Variants in NCMAP observed in about 807,000 individuals in gnomAD.
NCMAP encodes the protein noncompact myelin-associated protein.
A neutral mutation model predicts 7.8 loss-of-function variants in NCMAP; 8 were observed. That is an observed-to-expected ratio of 1.02 (90% CI 0.60 to 1.84). The LOEUF (loss-of-function observed/expected upper bound fraction) is 1.84. NCMAP is among the 40% of genes most tolerant of loss of function. The pLI is 0.00. For missense variants in NCMAP, 112 were observed against 131.4 expected (o/e 0.85, Z 0.72); for synonymous variants, 41 against 52.9 (o/e 0.78, Z 0.98).
At chr1:24,580,326 C>G (rs1205210211) in intron 1 of NCMAP, among the ~76,000 whole-genome samples, 1 of 152,218 alleles carries the variant, frequency 6.6e-6, no homozygotes, top group Non-Finnish European at 1.5e-5. Context: ...TTACCTCCTC[C>G]TGGCTGCCTC....
chr1:24,605,796 G>C lies in NCMAP; in HGVS notation c.*49G>C, dbSNP rs1652706000. 1.2e-6 allele frequency: 2 copies of C among 1,600,558 alleles called. No homozygotes were observed. The highest frequency in any genetic ancestry group is 1.7e-6 in the Non-Finnish European group (2 of 1,169,598). ...CCACTGTCCAAAGAGCCTCTCCAGA[G>C]TCAAGACCCAGAGGCACACTCTCTG... On this transcript the variant is annotated 3_prime_UTR_variant, in exon 4 of 4. Transcript: ENST00000374392.
chr1:24,576,046 C>T lies in NCMAP; in HGVS notation c.-7-19378C>T, dbSNP rs1651549915. Among the ~76,000 whole-genome samples the T allele has an allele frequency of 6.6e-6, 1 of 151,992 alleles. No homozygotes were observed. Among genetic ancestry groups the T allele is most frequent in the Non-Finnish European group, 1.5e-5 (1 of 68,006 alleles). ...AGCTCCCTCATCCTGATCCTCTCTG[C>T]ACAGCCGCATTGCCCCGTCCAGAGC... On this transcript the variant is annotated intron_variant, in intron 1 of 3. Coordinates refer to ENST00000374392, the MANE Select transcript of NCMAP (RefSeq NM_001010980.5). The surrounding 1 kb of genome is among the most constrained non-coding windows in gnomAD (Gnocchi z 4.0).
intron 1 of NCMAP, among the ~76,000 whole-genome samples, chr1:24,594,370 A>C (rs1355050196): frequency 1.3e-5 from 2 of 152,064 alleles, no homozygotes; most frequent in South Asian, 2.1e-4. Flanking sequence ...TACATTGTAC[A>C]CTCAGAGAGT....
At chr1:24,574,421 C>T (rs1468867872) in intron 1 of NCMAP, among the ~76,000 whole-genome samples, 6 of 151,962 alleles carry the variant, frequency 3.9e-5, no homozygotes, top group East Asian at 1.9e-4. Flanking sequence ...GCCCGGCCAA[C>T]GGGACTGAGA....
intron 3 of NCMAP, among the ~76,000 whole-genome samples, chr1:24,604,194 T>G (rs78322278): frequency 2.0e-5 from 3 of 151,484 alleles, no homozygotes; most frequent in Admixed American, 6.6e-5. Context: ...CAGGCTTTTT[T>G]GGGGGCCACA....
chr1:24,561,176 T>TCCA (rs1210870355), intron 1 of NCMAP, among the ~76,000 whole-genome samples: 2 of 15,170 alleles, frequency 1.3e-4, no homozygotes, highest in East Asian at 1.5e-3. Flanking sequence ...CTACTAAAAA[T>TCCA]ACAAAAAAAA....
Position 24,581,878 on chromosome 1 carries a change from A to AT in NCMAP, c.-7-13546_-7-13545insT, listed in dbSNP as rs779466996. ...TGAGTTAACTAGGCAAATAAATCCCACAGATGGGATAGAATTCTGGCTGGC... is the reference window on the plus strand; with the variant it reads ...TGAGTTAACTAGGCAAATAAATCCCATCAGATGGGATAGAATTCTGGCTGGC... On this transcript the variant is annotated intron_variant, in intron 1 of 3. Transcript: ENST00000374392. 5.9e-5 allele frequency among the ~76,000 whole-genome samples: 9 copies of AT among 152,332 alleles called. No homozygotes were observed. The East Asian group carries it at 1.7e-3, about 29-fold the overall frequency.
At chr1:24,560,782 C>T (rs1281806915) in intron 1 of NCMAP, among the ~76,000 whole-genome samples, 2 of 151,688 alleles carry the variant, frequency 1.3e-5, no homozygotes, top group African/African-American at 2.4e-5. Flanking sequence ...CTTTTCCCCT[C>T]GCTGCTGTGC....
intron 2 of NCMAP, among the ~76,000 whole-genome samples, chr1:24,599,057 A>T (rs922980939): frequency 2.0e-5 from 3 of 151,320 alleles, no homozygotes; most frequent in Non-Finnish European, 4.4e-5. Context: ...AGGGGGGCAG[A>T]TCACTTGAGG....
intron 1 of NCMAP, among the ~76,000 whole-genome samples, chr1:24,564,513 C>CAAA (rs1184189345): frequency 0.18 from 9,052 of 50,120 alleles, 1,876 homozygotes; most frequent in Non-Finnish European, 0.21. Flanking sequence ...GATTCTGTCT[C>CAAA]AAAAAAAAAA....
chr1:24,557,835 C>T (rs1346930004), intron 1 of NCMAP, among the ~76,000 whole-genome samples: 2 of 152,140 alleles, frequency 1.3e-5, no homozygotes, highest in South Asian at 2.1e-4. Context: ...AGCCGCGGCG[C>T]GTGCGGTGAG....
intron 1 of NCMAP, among the ~76,000 whole-genome samples, chr1:24,574,491 G>A (rs1651488288): frequency 6.6e-6 from 1 of 152,166 alleles, no homozygotes; most frequent in African/African-American, 2.4e-5. Context: ...CCACGCTCCT[G>A]ATGTCCCAAG....
At position 24,600,982 on chromosome 1, in the gene NCMAP, T is replaced by A; in HGVS notation, c.125T>A (p.Ile42Asn). The change falls in exon 3 of 4, where the codon ATC (isoleucine) becomes AAC (asparagine). Residue 42 changes from isoleucine to asparagine, a missense_variant. Physicochemically the swap from Ile to Asn is moderately radical, Grantham distance 149. Coordinates refer to ENST00000374392, the MANE Select transcript of NCMAP (RefSeq NM_001010980.5). ...GCTGCCGTTGTGGTGGTTGTCATCA[T>A]CATCTTCACCGTGGTTCTGATCCTG... is the stretch of plus-strand genomic sequence containing the variant. The part of the protein sequence containing the change: ...IVAAVVVVVI[I>N]IFTVVLILLK... 1.2e-6 allele frequency: 2 copies of A among 1,614,166 alleles called. No individual in the cohort carries two copies. Among genetic ancestry groups the A allele is most frequent in the African/African-American group, 1.3e-5 (1 of 75,060 alleles).
chr1:24,595,308 G>T (rs1652184321), intron 1 of NCMAP, 116 bp from the exon 2 acceptor site: 11 of 664,124 alleles, frequency 1.7e-5, no homozygotes, highest in Non-Finnish European at 2.8e-5. Flanking sequence ...GCTGCCAAGA[G>T]AAACTGCATG....
In NCMAP at chr1:24,607,162, T is replaced by TTTTTTTA. The variant is rs1652792773; in HGVS notation, c.*1428_*1434dup. The TTTTTTTA allele has an allele frequency of 6.6e-6, 1 of 151,828 alleles. No homozygotes were observed. Among genetic ancestry groups the TTTTTTTA allele is most frequent in the African/African-American group, 2.4e-5 (1 of 41,292 alleles). 9.4% of individuals were successfully genotyped at this position (151,828 alleles called of 1,614,324 possible). On this transcript the variant is annotated 3_prime_UTR_variant, in exon 4 of 4. Coordinates refer to ENST00000374392, the MANE Select transcript of NCMAP (RefSeq NM_001010980.5). ...GGTATGTGTCACCTCACCAGGCTAA[T>TTTTTTTA]TTTTTTATTTTTTATTTTTGTAGAG...
chr1:24,580,229 A>C (rs1475913902), intron 1 of NCMAP, among the ~76,000 whole-genome samples: 1 of 152,210 alleles, frequency 6.6e-6, no homozygotes, highest in African/African-American at 2.4e-5. Context: ...CAACGGAGAC[A>C]CTACATTCTT....
chr1:24,587,662 C>T (rs180690957), intron 1 of NCMAP, among the ~76,000 whole-genome samples: 158 of 152,184 alleles, frequency 1.0e-3, no homozygotes, highest in Non-Finnish European at 1.9e-3. Flanking sequence ...TACAGGTGCA[C>T]ACCAATATGC....
intron 2 of NCMAP, among the ~76,000 whole-genome samples, chr1:24,598,066 C>T (rs990127202): frequency 1.3e-5 from 2 of 151,994 alleles, no homozygotes; most frequent in Admixed American, 6.6e-5. Context: ...ACAGCCTCCC[C>T]GACAAAGAAT....
At chr1:24,567,980 G>A (rs1241753950) in intron 1 of NCMAP, among the ~76,000 whole-genome samples, 4 of 151,970 alleles carry the variant, frequency 2.6e-5, no homozygotes, top group Non-Finnish European at 5.9e-5. Context: ...AGGGTTCCGC[G>A]ACGCCCTGGC....
Sources: gnomAD v4.1 joint callset for allele counts (sites outside exome capture counted in the v4.1 genomes callset) on GRCh38, gnomAD v4.1.1 for gene constraint, Gnocchi (gnomAD v3.1) non-coding constraint, MANE v1.5 for transcripts, NCBI Gene and HGNC (gene_info 2026-07-23, HGNC 2026-07-21) for gene names.